B4GALT4: variants seen among roughly 807,000 people sequenced by gnomAD.
B4GALT4 encodes the protein N-acetyllactosamine synthase.
In B4GALT4, 27 loss-of-function variants were observed where a neutral mutation model predicts 37.3. The ratio of observed to expected loss-of-function variants is 0.72; its 90% CI spans 0.53 to 1.00. The LOEUF (loss-of-function observed/expected upper bound fraction) is 1.00. Ranked by LOEUF, B4GALT4 falls within the 50% of genes least tolerant of loss-of-function variation. B4GALT4 has a pLI of 0.00. For missense variants in B4GALT4, 372 were observed against 413.1 expected, an observed-to-expected ratio of 0.90 and a Z score of 0.86; for synonymous variants, 148 against 154.1, an observed-to-expected ratio of 0.96 and a Z score of 0.29.
At chr3:119,234,838 T>A (rs781008542) in intron 2 of B4GALT4, among the ~76,000 whole-genome samples, 2 of 152,216 alleles carry the variant, frequency 1.3e-5, no homozygotes, top group Non-Finnish European at 2.9e-5. Context: ...AGGGCAAGAT[T>A]TACCACTCTT....
intron 4 of B4GALT4, among the ~76,000 whole-genome samples, chr3:119,226,279 T>C (rs535848330): frequency 1.2e-4 from 19 of 152,298 alleles, no homozygotes; most frequent in African/African-American, 3.8e-4. Context: ...GGAAGTCAAA[T>C]AGATGAATCC....
intron 7 of B4GALT4, 48 bp downstream of exon 7, chr3:119,216,192 G>T: frequency 7.0e-7 from 1 of 1,431,038 alleles, no homozygotes; most frequent in South Asian, 1.3e-5. Flanking sequence ...CTTATTGACA[G>T]AACAGACTAG....
At chr3:119,221,545 C>G (rs996367974) in intron 5 of B4GALT4, among the ~76,000 whole-genome samples, 2 of 152,178 alleles carry the variant, frequency 1.3e-5, no homozygotes, top group Non-Finnish European at 2.9e-5. Context: ...TCAAGTAGTC[C>G]AGGAGGAAGG....
At chr3:119,234,530 T>C (rs1559935437) in intron 2 of B4GALT4, among the ~76,000 whole-genome samples, 1 of 152,246 alleles carries the variant, frequency 6.6e-6, no homozygotes, top group Non-Finnish European at 1.5e-5. Context: ...TGATTTTTAC[T>C]TTCTAACTCT....
At chr3:119,213,180 T>A (rs1011686860) in intron 7 of B4GALT4, 7 of 152,244 alleles carry the variant, frequency 4.6e-5, no homozygotes, top group African/African-American at 1.7e-4. Flanking sequence ...AAGGAAAATT[T>A]CAGTAACGCT....
chr3:119,213,740 G>GA (rs2078219475), intron 7 of B4GALT4: 1 of 152,126 alleles, frequency 6.6e-6, no homozygotes, highest in South Asian at 2.1e-4. Context: ...ATGGCATCAA[G>GA]AATCTTCATA....
chr3:119,225,902 T>C (rs1358031726), intron 4 of B4GALT4, among the ~76,000 whole-genome samples: 1 of 127,590 alleles, frequency 7.8e-6, no homozygotes, highest in Admixed American at 7.4e-5. Flanking sequence ...GTGTGCTATA[T>C]AAGCACACTG....
intron 5 of B4GALT4, among the ~76,000 whole-genome samples, chr3:119,219,939 T>C (rs759604673): frequency 1.3e-5 from 2 of 152,178 alleles, no homozygotes; most frequent in Non-Finnish European, 2.9e-5. Flanking sequence ...CCAGGACCGA[T>C]AAAATATTTA....
Position 119,229,922 on chromosome 3 carries a change from C to T in B4GALT4, c.178G>A (p.Gly60Arg). The change falls in exon 3 of 8, where the codon GGA becomes AGA. Residue 60 changes from glycine (G) to arginine (R), a missense_variant. Transcript: ENST00000393765. ...GATGCTTCATTAGTCAGAGTTTTTC[C>T]CTTCCCCAAAATGAGGGTCTTATGG... ...NFHKTLILGKGKTLTNEASTK... is the reference protein window; with the variant it reads ...NFHKTLILGKRKTLTNEASTK... 1 of 1,614,130 alleles carries T rather than the reference C, an allele frequency of 6.2e-7. No homozygotes were observed. The highest frequency in any genetic ancestry group is 8.5e-7 in the Non-Finnish European group (1 of 1,180,018).
Position 119,239,033 on chromosome 3 carries a change from C to T in B4GALT4, c.-364+1817G>A, listed in dbSNP as rs370326886. Among the ~76,000 whole-genome samples the T allele has an allele frequency of 8.5e-5, 13 of 152,238 alleles. No homozygotes were observed. In the South Asian group the frequency reaches 2.7e-3, roughly 32 times the overall value. ...TTATTTCAAAGGCCTGAAGTGGAGTCAAGAAATTGATATTTTTGCCTGGGC... is the reference window on the plus strand; with the variant it reads ...TTATTTCAAAGGCCTGAAGTGGAGTTAAGAAATTGATATTTTTGCCTGGGC... On this transcript the variant is annotated intron_variant, in intron 1 of 7. Transcript: ENST00000393765.
chr3:119,233,563 G>A (rs1401366574), intron 2 of B4GALT4, among the ~76,000 whole-genome samples: 3 of 152,192 alleles, frequency 2.0e-5, no homozygotes, highest in South Asian at 2.1e-4. Context: ...GTAGATGCAG[G>A]GGTCCTGGAG....
chr3:119,220,669 G>C (rs970206200), intron 5 of B4GALT4, among the ~76,000 whole-genome samples: 1 of 152,154 alleles, frequency 6.6e-6, no homozygotes, highest in Non-Finnish European at 1.5e-5. Context: ...GAGCTGGAGT[G>C]GGGAGGGGCA....
intron 1 of B4GALT4, chr3:119,240,527 T>G (rs532193814): frequency 6.6e-6 from 1 of 152,284 alleles, no homozygotes; most frequent in Admixed American, 6.5e-5. Flanking sequence ...CCCGGAATCG[T>G]GACCTGGGGT....
At chr3:119,223,981 G>A in intron 5 of B4GALT4, 77 bp downstream of exon 5, 4 of 1,388,022 alleles carry the variant, frequency 2.9e-6, no homozygotes, top group Non-Finnish European at 3.8e-6. Context: ...ATGACACTCT[G>A]GATGCTTGTT....
chr3:119,224,538 T>C (rs536986004), intron 4 of B4GALT4, among the ~76,000 whole-genome samples: 1 of 152,368 alleles, frequency 6.6e-6, no homozygotes, highest in East Asian at 1.9e-4. Flanking sequence ...TTCTGGAGAT[T>C]GATTTCATAA....
At chr3:119,233,920 G>A (rs780392570) in intron 2 of B4GALT4, among the ~76,000 whole-genome samples, 8 of 152,178 alleles carry the variant, frequency 5.3e-5, no homozygotes, top group African/African-American at 1.4e-4. Flanking sequence ...AACATCTGAA[G>A]TGTGAAGGGT....
intron 5 of B4GALT4, among the ~76,000 whole-genome samples, chr3:119,223,318 T>G (rs531300496): frequency 5.5e-4 from 84 of 152,340 alleles, no homozygotes; most frequent in African/African-American, 1.9e-3. Context: ...TGAGCACCCA[T>G]GAACAGCAGG....
chr3:119,225,330 T>C (rs1179817744), intron 4 of B4GALT4, among the ~76,000 whole-genome samples: 1 of 152,212 alleles, frequency 6.6e-6, no homozygotes, highest in East Asian at 1.9e-4. Context: ...CAAGTATTTC[T>C]CAGAAGTTAC....
intron 3 of B4GALT4, among the ~76,000 whole-genome samples, chr3:119,229,010 A>G (rs545466936): frequency 2.0e-5 from 3 of 152,234 alleles, no homozygotes; most frequent in African/African-American, 4.8e-5. Context: ...ACTGTTTAAC[A>G]TAAGTTGAGA....
Sources: gnomAD v4.1 joint callset for allele counts (sites outside exome capture counted in the v4.1 genomes callset) on GRCh38, gnomAD v4.1.1 for gene constraint, MANE v1.5 for transcripts, NCBI Gene and HGNC (gene_info 2026-07-23, HGNC 2026-07-21) for gene names.